Variants in PDGFC observed in about 807,000 individuals in gnomAD.
PDGFC encodes platelet derived growth factor C.
A neutral mutation model predicts 35.5 loss-of-function variants in PDGFC; 12 were observed. That is an observed-to-expected ratio of 0.34 (90% CI 0.22 to 0.55). The LOEUF is 0.55. Among genes scored for constraint, PDGFC ranks in the 20% least tolerant of loss-of-function variants. PDGFC has a pLI of 0.91. For synonymous variants in PDGFC, 159 were observed against 148.8 expected (o/e 1.07, Z -0.50); for missense variants, 322 against 412.4 (o/e 0.78, Z 1.90).
At chr4:156,826,174 A>AATTTTT (rs1288749370) in intron 2 of PDGFC, among the ~76,000 whole-genome samples, 3 of 43,768 alleles carry the variant, frequency 6.9e-5, no homozygotes, top group African/African-American at 1.6e-4. Context: ...TTTGAGTTGG[A>AATTTTT]TTTTTTTTTT....
chr4:156,945,376 T>C (rs572419186), intron 1 of PDGFC, among the ~76,000 whole-genome samples: 2,253 of 121,504 alleles, frequency 0.019, 101 homozygotes, highest in Non-Finnish European at 0.028. Flanking sequence ...TATATATATA[T>C]ATATATATAT....
chr4:156,858,248 G>A (rs1490706497), intron 1 of PDGFC, among the ~76,000 whole-genome samples: 2 of 151,934 alleles, frequency 1.3e-5, no homozygotes, highest in Non-Finnish European at 2.9e-5. Context: ...TGACAACATG[G>A]CATTTTTGCC....
At chr4:156,852,946 C>A (rs1361358934) in intron 1 of PDGFC, among the ~76,000 whole-genome samples, 1 of 152,154 alleles carries the variant, frequency 6.6e-6, no homozygotes, top group African/African-American at 2.4e-5. Flanking sequence ...GCAGACTGTT[C>A]TCTACAGCCT....
intron 1 of PDGFC, among the ~76,000 whole-genome samples, chr4:156,864,139 G>T (rs987639533): frequency 6.6e-6 from 1 of 151,972 alleles, no homozygotes; most frequent in Non-Finnish European, 1.5e-5. Context: ...TAAGAAAAAA[G>T]TTTATATTTC....
intron 1 of PDGFC, among the ~76,000 whole-genome samples, chr4:156,908,773 T>C (rs1730975640): frequency 6.6e-6 from 1 of 152,142 alleles, no homozygotes. Flanking sequence ...TCAATAGACT[T>C]ATGTAACAAT....
At chr4:156,828,803 A>G (rs969304558) in intron 2 of PDGFC, among the ~76,000 whole-genome samples, 8 of 152,298 alleles carry the variant, frequency 5.3e-5, no homozygotes, top group African/African-American at 1.9e-4. Flanking sequence ...ATTCATGACC[A>G]ATCAATAAAA....
intron 1 of PDGFC, among the ~76,000 whole-genome samples, chr4:156,918,878 C>G (rs949980159): frequency 6.6e-6 from 1 of 152,032 alleles, no homozygotes; most frequent in South Asian, 2.1e-4. Context: ...ACCCAATTTC[C>G]CAAAAAGAAC....
At chr4:156,954,141 G>T (rs1204538214) in intron 1 of PDGFC, among the ~76,000 whole-genome samples, 1 of 151,944 alleles carries the variant, frequency 6.6e-6, no homozygotes, top group African/African-American at 2.4e-5. Context: ...CAATTTGGTT[G>T]TGACACCATA....
intron 3 of PDGFC, among the ~76,000 whole-genome samples, chr4:156,807,078 C>T (rs1445569493): frequency 1.3e-5 from 2 of 151,418 alleles, no homozygotes; most frequent in African/African-American, 4.8e-5. Flanking sequence ...TCCTTAGGCA[C>T]AATCATAAAA....
intron 1 of PDGFC, among the ~76,000 whole-genome samples, chr4:156,892,842 T>G (rs187667224): frequency 7.2e-5 from 11 of 152,338 alleles, no homozygotes; most frequent in Admixed American, 5.2e-4. Flanking sequence ...GCTGTTATAC[T>G]TCTTACGTCA....
chr4:156,786,186 C>A (rs1049579013), intron 3 of PDGFC, among the ~76,000 whole-genome samples: 1 of 152,156 alleles, frequency 6.6e-6, no homozygotes, highest in Non-Finnish European at 1.5e-5. Context: ...GCCAGACACT[C>A]TTCTAGGTGC....
intron 2 of PDGFC, among the ~76,000 whole-genome samples, chr4:156,814,923 G>C (rs1732039537): frequency 6.6e-6 from 1 of 152,098 alleles, no homozygotes; most frequent in Non-Finnish European, 1.5e-5. Context: ...ATTTCATGAA[G>C]ATTTCCAACT....
At chr4:156,781,554 C>T (rs1052715587) in intron 3 of PDGFC, among the ~76,000 whole-genome samples, 1 of 152,122 alleles carries the variant, frequency 6.6e-6, no homozygotes, top group African/African-American at 2.4e-5. Flanking sequence ...TCACAAGCCT[C>T]GGTTAATGCA....
chr4:156,788,817 T>A (rs1044972957), intron 3 of PDGFC, among the ~76,000 whole-genome samples: 4 of 152,214 alleles, frequency 2.6e-5, no homozygotes, highest in Admixed American at 6.5e-5. Flanking sequence ...CCTTATTCAC[T>A]GATGCAGAAA....
At chr4:156,840,950 C>G (rs139682533) in intron 2 of PDGFC, among the ~76,000 whole-genome samples, 101 of 152,186 alleles carry the variant, frequency 6.6e-4, no homozygotes, top group African/African-American at 2.4e-3. Context: ...TTAATCAATG[C>G]CTGTACCCCC....
At chr4:156,922,186 G>A in intron 1 of PDGFC, among the ~76,000 whole-genome samples, 1 of 150,518 alleles carries the variant, frequency 6.6e-6, no homozygotes, top group Admixed American at 6.6e-5. Context: ...GTGTGTGTGT[G>A]TGTGTGCATC....
Position 156,901,766 on chromosome 4 carries a change from C to T in PDGFC, c.119-51350G>A, listed in dbSNP as rs191160416. ...GCCTCCTGAGGAGCTCGGTGTACCACCACCCTGGGCTAATTATCCCATTTT... is the reference window on the plus strand; with the variant it reads ...GCCTCCTGAGGAGCTCGGTGTACCATCACCCTGGGCTAATTATCCCATTTT... On this transcript the variant is annotated intron_variant, in intron 1 of 5. Coordinates refer to ENST00000502773, the MANE Select transcript of PDGFC (RefSeq NM_016205.3). Among the ~76,000 whole-genome samples the T allele has an allele frequency of 5.3e-5, 8 of 152,094 alleles. No homozygotes were observed. In the East Asian group the frequency reaches 1.2e-3, roughly 22 times the overall value.
At chr4:156,803,968 C>G (rs530435636) in intron 3 of PDGFC, among the ~76,000 whole-genome samples, 3 of 151,910 alleles carry the variant, frequency 2.0e-5, no homozygotes, top group African/African-American at 7.3e-5. Context: ...AGACACTGAC[C>G]GTTGACAAAA....
intron 4 of PDGFC, among the ~76,000 whole-genome samples, chr4:156,769,885 T>C (rs1578997438): frequency 6.6e-6 from 1 of 152,056 alleles, no homozygotes; most frequent in South Asian, 2.1e-4. Flanking sequence ...ACTTAAAATA[T>C]GCACAAACAC....
Sources: allele counts gnomAD v4.1 joint callset (sites outside exome capture counted in the v4.1 genomes callset), GRCh38; gene constraint gnomAD v4.1.1; transcripts MANE v1.5; gene names NCBI Gene and HGNC (gene_info 2026-07-23, HGNC 2026-07-21).